ZBTB20: variants seen among roughly 807,000 people sequenced by gnomAD.
ZBTB20 encodes zinc finger and BTB domain-containing protein 20.
Under a neutral mutation model 56.9 loss-of-function variants are expected in ZBTB20, and 9 were observed. That is an observed-to-expected ratio of 0.16 (90% CI 0.10 to 0.28). The LOEUF is 0.28. ZBTB20 is among the 10% of genes least tolerant of loss of function. The pLI, the probability that ZBTB20 is intolerant of heterozygous loss-of-function variation, is 1.00. For missense variants in ZBTB20, 655 were observed against 1,003.0 expected, an observed-to-expected ratio of 0.65 and a Z score of 4.69; for synonymous variants, 417 against 420.7, an observed-to-expected ratio of 0.99 and a Z score of 0.11.
intron 4 of ZBTB20, among the ~76,000 whole-genome samples, chr3:114,844,847 T>A (rs2074607812): frequency 1.6e-5 from 1 of 63,828 alleles, no homozygotes; most frequent in Admixed American, 2.7e-4. Flanking sequence ...TCATATACCA[T>A]CTTTTTCTTT....
chr3:114,843,011 T>G (rs1359885073), intron 4 of ZBTB20, among the ~76,000 whole-genome samples: 1 of 152,174 alleles, frequency 6.6e-6, no homozygotes, highest in Non-Finnish European at 1.5e-5. Flanking sequence ...TAAGATTTGA[T>G]GCTTTTAAAG....
intron 6 of ZBTB20, among the ~76,000 whole-genome samples, chr3:114,611,963 C>A (rs1424244392): frequency 1.3e-5 from 2 of 152,172 alleles, no homozygotes; most frequent in African/African-American, 4.8e-5. Context: ...CTGGACTCTG[C>A]CTGCCTTTTG....
chr3:114,917,497 C>A (rs1377178787), intron 3 of ZBTB20, among the ~76,000 whole-genome samples: 3 of 152,104 alleles, frequency 2.0e-5, no homozygotes, highest in Admixed American at 6.5e-5. Context: ...TTTGTACCCA[C>A]CCTTCTTGGG....
chr3:114,924,281 T>C (rs1385514251), intron 3 of ZBTB20, among the ~76,000 whole-genome samples: 1 of 152,152 alleles, frequency 6.6e-6, no homozygotes, highest in Non-Finnish European at 1.5e-5. Context: ...TTATTCATAA[T>C]ACCCAAAAGA....
chr3:114,591,425 A>G (rs529758877), intron 6 of ZBTB20, among the ~76,000 whole-genome samples: 3 of 152,326 alleles, frequency 2.0e-5, no homozygotes, highest in Non-Finnish European at 4.4e-5. Flanking sequence ...CAGTCCATCA[A>G]TGACATTTAC....
rs536493002 is a variant in ZBTB20 at position 114,333,309 on chromosome 3, G to A, written c.*5696C>T. 2.6e-5 allele frequency: 4 copies of A among 152,314 alleles called. No homozygotes were observed. Among genetic ancestry groups the A allele is most frequent in the African/African-American group, 7.2e-5 (3 of 41,574 alleles). The allele number at this position is 152,314 out of a possible 1,614,324, so 9.4% of individuals were successfully genotyped here. A position where few individuals can be genotyped will look rare whatever the true frequency, so the allele number is the denominator to read the frequency against. On this transcript the variant is annotated 3_prime_UTR_variant, in exon 12 of 12. Transcript: ENST00000675478. ...TGAAAATACTCTCTCTCAAGAGCAA[G>A]GGCTCTTCCGTGCCCCTTTTCTGCC...
intron 8 of ZBTB20, among the ~76,000 whole-genome samples, chr3:114,382,095 C>T (rs999323683): frequency 3.1e-4 from 47 of 152,238 alleles, no homozygotes; most frequent in African/African-American, 6.5e-4. Context: ...ATCTCTATCA[C>T]TGTTGTCTAC....
chr3:115,114,294 G>C (rs1455100303), intron 1 of ZBTB20, among the ~76,000 whole-genome samples: 1 of 152,080 alleles, frequency 6.6e-6, no homozygotes, highest in Non-Finnish European at 1.5e-5. Flanking sequence ...TAGATATAAT[G>C]GTTGTCATGG....
chr3:114,592,339 A>G (rs2055852863), intron 6 of ZBTB20, among the ~76,000 whole-genome samples: 1 of 152,224 alleles, frequency 6.6e-6, no homozygotes, highest in African/African-American at 2.4e-5. Context: ...ATAATATATT[A>G]TCAAGGCGTT....
intron 6 of ZBTB20, among the ~76,000 whole-genome samples, chr3:114,666,848 G>A (rs1005440677): frequency 6.6e-6 from 1 of 151,908 alleles, no homozygotes; most frequent in Non-Finnish European, 1.5e-5. Flanking sequence ...CGTTTCTATG[G>A]GTTGAAATTC....
At chr3:114,498,239 TAATGG>T (rs2043513980) in intron 7 of ZBTB20, among the ~76,000 whole-genome samples, 2 of 152,254 alleles carry the variant, frequency 1.3e-5, no homozygotes, top group Admixed American at 1.3e-4. Context: ...TGCTAAACAG[TAATGG>T]AATGGGAAAT....
At chr3:114,564,182 G>C (rs571950589) in intron 6 of ZBTB20, among the ~76,000 whole-genome samples, 16 of 152,008 alleles carry the variant, frequency 1.1e-4, no homozygotes, top group Non-Finnish European at 2.2e-4. Flanking sequence ...CCTCCTGCCT[G>C]CCTCTTTCCT....
chr3:114,825,214 C>A (rs890211733), intron 4 of ZBTB20, among the ~76,000 whole-genome samples: 1 of 151,832 alleles, frequency 6.6e-6, no homozygotes, highest in Non-Finnish European at 1.5e-5. Flanking sequence ...GGTGGAAAGT[C>A]ACTTCTCTTT....
intron 3 of ZBTB20, among the ~76,000 whole-genome samples, chr3:114,917,543 G>T (rs868344995): frequency 6.6e-6 from 1 of 152,152 alleles, no homozygotes; most frequent in African/African-American, 2.4e-5. Flanking sequence ...CTTGTTTATT[G>T]TGACTAAATT....
intron 2 of ZBTB20, among the ~76,000 whole-genome samples, chr3:115,024,754 C>T (rs9826002): frequency 0.99 from 149,515 of 151,012 alleles, 74,039 homozygotes; most frequent in Middle Eastern, 1. Context: ...AGGGGTTGAC[C>T]GTACAACATA....
At chr3:114,797,610 T>C (rs1296408337) in intron 5 of ZBTB20, among the ~76,000 whole-genome samples, 1 of 151,964 alleles carries the variant, frequency 6.6e-6, no homozygotes, top group Non-Finnish European at 1.5e-5. Flanking sequence ...TCTGTGTATC[T>C]TGGTAAAATA....
intron 5 of ZBTB20, among the ~76,000 whole-genome samples, chr3:114,772,452 T>C (rs1418068420): frequency 6.6e-6 from 1 of 152,180 alleles, no homozygotes; most frequent in Non-Finnish European, 1.5e-5. Context: ...GTATGCTTTG[T>C]AGTGATTAAA....
At chr3:114,507,687 G>T (rs556321474) in intron 6 of ZBTB20, among the ~76,000 whole-genome samples, 2 of 152,206 alleles carry the variant, frequency 1.3e-5, no homozygotes, top group East Asian at 1.9e-4. Flanking sequence ...AATAAATGCA[G>T]CTCTGCCTCC....
In ZBTB20 at chr3:114,384,112, CTCTCTCTCTCTCTCTCAT is replaced by C. The variant is rs1354550391; in HGVS notation, c.-153-3190_-153-3173del. 4.1e-3 allele frequency among the ~76,000 whole-genome samples: 623 copies of C among 151,184 alleles called. 4 individuals are homozygous for C. The highest frequency in any genetic ancestry group is 0.014 in the African/African-American group (580 of 41,126). ...TTTTCAGTTCTCATTCTCTCTCTCT[CTCTCTCTCTCTCTCTCAT>C]TCTCTCTCTCTCTCTCTCATTTTCT... is the stretch of plus-strand genomic sequence containing the variant. On this transcript the variant is annotated intron_variant, in intron 8 of 11. Transcript: ENST00000675478.
Sources: gnomAD v4.1 joint callset for allele counts (sites outside exome capture counted in the v4.1 genomes callset) on GRCh38, gnomAD v4.1.1 for gene constraint, MANE v1.5 for transcripts, NCBI Gene and HGNC (gene_info 2026-07-23, HGNC 2026-07-21) for gene names.